The following TMPRSS2 variants were observed in gnomAD, a reference collection of about 807,000 sequenced individuals.
The protein encoded by TMPRSS2 is transmembrane serine protease 2.
Under a neutral mutation model 67.4 loss-of-function variants are expected in TMPRSS2, and 59 were observed. The ratio of observed to expected loss-of-function variants is 0.88; its 90% CI spans 0.71 to 1.09. The LOEUF is 1.09. Among genes scored for constraint, TMPRSS2 ranks in the 50% least tolerant of loss-of-function variants. The pLI is 0.00. For missense variants in TMPRSS2, 668 were observed against 642.7 expected, an observed-to-expected ratio of 1.04 and a Z score of -0.43; for synonymous variants, 257 against 257.0, an observed-to-expected ratio of 1.00 and a Z score of 0.00.
At chr21:41,506,076 C>T (rs993422293) in intron 1 of TMPRSS2, among the ~76,000 whole-genome samples, 1 of 152,214 alleles carries the variant, frequency 6.6e-6, no homozygotes, top group African/African-American at 2.4e-5. Context: ...TATTATAATG[C>T]CAGTGCAGCC....
chr21:41,493,726 G>A lies in TMPRSS2; in HGVS notation c.238+630C>T, dbSNP rs140605461. On this transcript the variant is annotated intron_variant, in intron 3 of 13. Coordinates refer to ENST00000332149, the MANE Select transcript of TMPRSS2 (RefSeq NM_005656.4). Reference sequence around the variant, plus strand: ...GGACTGGAAAGACATGAGACCAAACGAAATGGCAAAGAAAGGAGATGAATG... The same window carrying A: ...GGACTGGAAAGACATGAGACCAAACAAAATGGCAAAGAAAGGAGATGAATG... Among the ~76,000 whole-genome samples, 43 of 152,306 alleles carry A rather than the reference G, an allele frequency of 2.8e-4. 1 individual carries two copies. Among genetic ancestry groups the A allele is most frequent in the East Asian group, 1.4e-3 (7 of 5,178 alleles).
intron 13 of TMPRSS2, among the ~76,000 whole-genome samples, chr21:41,467,090 T>C (rs773428833): frequency 6.6e-6 from 1 of 152,032 alleles, no homozygotes. Context: ...TCTCTATAAA[T>C]CAAAAGTTTC....
chr21:41,477,177 C>T (rs1004095970), intron 7 of TMPRSS2, among the ~76,000 whole-genome samples: 8 of 152,154 alleles, frequency 5.3e-5, no homozygotes, highest in Admixed American at 4.6e-4. Flanking sequence ...AGGGAAGACG[C>T]GGCCCCTGGC....
chr21:41,496,220 C>G (rs2091381446), intron 2 of TMPRSS2, among the ~76,000 whole-genome samples: 1 of 152,170 alleles, frequency 6.6e-6, no homozygotes, highest in Non-Finnish European at 1.5e-5. Flanking sequence ...TGAATTAATA[C>G]AAACATTTTG....
At chr21:41,473,077 G>A (rs990153891) in intron 9 of TMPRSS2, among the ~76,000 whole-genome samples, 6 of 152,154 alleles carry the variant, frequency 3.9e-5, no homozygotes, top group Admixed American at 6.5e-5. Flanking sequence ...CGCTGGTCAC[G>A]GCGACATCGT....
rs1016773134 is a variant in TMPRSS2 at position 41,494,457 on chromosome 21, G to A, written c.137C>T (p.Pro46Leu). 1.3e-5 allele frequency: 21 copies of A among 1,613,874 alleles called. No homozygotes were observed. The Middle Eastern group carries it at 4.9e-4, about 38-fold the overall frequency. ...VYEVHPAQYY[P>L]SPVPQYAPRV... ...CGGGGCGTACTGGGGCACGGGGGAC[G>A]GGTAGTACTGAGCCGGATGCACCTC... is the stretch of plus-strand genomic sequence containing the variant. Residue 46 changes from proline (P) to leucine (L), a missense_variant, in exon 3 of 14, where the codon CCG becomes CTG. Transcript: ENST00000332149.
At chr21:41,481,035 GC>G (rs1214291591) in intron 5 of TMPRSS2, among the ~76,000 whole-genome samples, 6 of 152,174 alleles carry the variant, frequency 3.9e-5, no homozygotes, top group African/African-American at 1.4e-4. Context: ...GGCACTGACC[GC>G]ACACAAAGGG....
Position 41,480,495 on chromosome 21 carries a change from A to AGGCC in TMPRSS2, c.549_552dup (p.Cys185GlyfsTer8), listed in dbSNP as rs1331577395. 6.8e-6 allele frequency: 11 copies of AGGCC among 1,613,628 alleles called. No individual in the cohort carries two copies. Among genetic ancestry groups the AGGCC allele is most frequent in the Non-Finnish European group, 8.5e-6 (10 of 1,180,026 alleles). ...ACTCACTTATAGCCCATGTCCCTGC[A>AGGCC]GGCCGCCCGCCCGTAGTTCTCGTTC... On this transcript the variant is annotated frameshift_variant, in exon 6 of 14. Transcript: ENST00000332149. LOFTEE classifies it high-confidence loss of function.
At chr21:41,505,736 C>A (rs1192508108) in intron 1 of TMPRSS2, among the ~76,000 whole-genome samples, 1 of 152,206 alleles carries the variant, frequency 6.6e-6, no homozygotes, top group Admixed American at 6.5e-5. Context: ...CAGCTTCCTT[C>A]CCTCCTTTCC....
chr21:41,487,617 G>A (rs571417292), intron 5 of TMPRSS2: 2 of 152,262 alleles, frequency 1.3e-5, no homozygotes, highest in African/African-American at 4.8e-5. Flanking sequence ...AGGCATACAC[G>A]TATCCAAACA....
At chr21:41,488,795 G>T (rs183016576) in intron 4 of TMPRSS2, among the ~76,000 whole-genome samples, 1 of 152,222 alleles carries the variant, frequency 6.6e-6, no homozygotes, top group East Asian at 1.9e-4. Context: ...ACGCCACCAC[G>T]CCTGACTAAT....
intron 5 of TMPRSS2, among the ~76,000 whole-genome samples, chr21:41,484,155 G>A (rs971636397): frequency 6.6e-6 from 1 of 152,150 alleles, no homozygotes; most frequent in African/African-American, 2.4e-5. Context: ...TGTGTACAGC[G>A]TGATGACTGG....
At chr21:41,492,112 G>A (rs1482789607) in intron 3 of TMPRSS2, among the ~76,000 whole-genome samples, 2 of 152,236 alleles carry the variant, frequency 1.3e-5, no homozygotes, top group African/African-American at 2.4e-5. Flanking sequence ...AGAATCGCTT[G>A]AACCTGAGAG....
In TMPRSS2 at chr21:41,478,739, G is replaced by A. The variant is rs574759417; in HGVS notation, c.683+433C>T. Among the ~76,000 whole-genome samples, 4 of 152,256 alleles carry A rather than the reference G, an allele frequency of 2.6e-5. No homozygotes were observed. In the East Asian group the frequency reaches 7.7e-4, roughly 29 times the overall value. ...CAGCCCAGCTGCCTGGAATGGAGCA[G>A]GACTTCCCTTGCTCAAGCCAGTGAA... On this transcript the variant is annotated intron_variant, in intron 7 of 13. Coordinates refer to ENST00000332149, the MANE Select transcript of TMPRSS2 (RefSeq NM_005656.4). This position sits in a 1 kb window ranked among gnomAD's most constrained non-coding sequence, Gnocchi z 4.0.
intron 2 of TMPRSS2, among the ~76,000 whole-genome samples, chr21:41,497,815 T>C (rs1238491151): frequency 6.6e-6 from 1 of 152,230 alleles, no homozygotes; most frequent in Non-Finnish European, 1.5e-5. Context: ...ATCGCCATCC[T>C]GCCTCATCTG....
chr21:41,467,609 A>T, intron 13 of TMPRSS2, 125 bp downstream of exon 13: 1 of 1,117,990 alleles, frequency 8.9e-7, no homozygotes, highest in Non-Finnish European at 1.3e-6. Context: ...TGGAGGAAGC[A>T]GAGTTTGCTT....
chr21:41,476,220 C>T (rs1019149729), intron 8 of TMPRSS2, among the ~76,000 whole-genome samples: 3 of 152,182 alleles, frequency 2.0e-5, no homozygotes, highest in Non-Finnish European at 4.4e-5. Flanking sequence ...GCAGATGCTC[C>T]AAGTCCACGT....
chr21:41,495,740 T>C (rs58146697), intron 2 of TMPRSS2, among the ~76,000 whole-genome samples: 10,836 of 151,870 alleles, frequency 0.071, 950 homozygotes, highest in African/African-American at 0.21. Flanking sequence ...TTGTCTGCTG[T>C]TGGGGAGAAA....
chr21:41,503,647 C>A (rs1285806789), intron 1 of TMPRSS2, among the ~76,000 whole-genome samples: 2 of 152,146 alleles, frequency 1.3e-5, no homozygotes, highest in African/African-American at 2.4e-5. Flanking sequence ...AAGGTTCCAA[C>A]AATTAGAAAG....
Sources: gnomAD v4.1 joint callset for allele counts (sites outside exome capture counted in the v4.1 genomes callset) on GRCh38, gnomAD v4.1.1 for gene constraint, Gnocchi (gnomAD v3.1) non-coding constraint, MANE v1.5 for transcripts, NCBI Gene and HGNC (gene_info 2026-07-23, HGNC 2026-07-21) for gene names.